Variants in RAVER1 observed in about 807,000 individuals in gnomAD.
The protein encoded by RAVER1 is ribonucleoprotein PTB-binding 1.
RAVER1 carries 36 observed loss-of-function variants against 68.4 expected under a neutral mutation model. That is an observed-to-expected ratio of 0.53 (90% confidence interval 0.40 to 0.70). The LOEUF is 0.70. Ranked by LOEUF, RAVER1 falls within the 30% of genes least tolerant of loss-of-function variation. The pLI, the probability that RAVER1 is intolerant of heterozygous loss-of-function variation, is 0.00. For missense variants in RAVER1, 933 were observed against 1,019.8 expected (o/e 0.91, Z 1.16); for synonymous variants, 469 against 472.7 (o/e 0.99, Z 0.10).
chr19:10,326,580 G>C (rs1002820420), intron 3 of RAVER1, among the ~76,000 whole-genome samples: 16 of 152,042 alleles, frequency 1.1e-4, no homozygotes, highest in Non-Finnish European at 1.3e-4. Flanking sequence ...GAGTAGCTGA[G>C]ATTACAGGCG....
chr19:10,326,754 T>G (rs2040477375), intron 3 of RAVER1, among the ~76,000 whole-genome samples: 2 of 125,072 alleles, frequency 1.6e-5, no homozygotes, highest in Non-Finnish European at 3.4e-5. Flanking sequence ...GCGCCTGGCC[T>G]GTTTTTTTTT....
Position 10,323,001 on chromosome 19 carries a change from C to T in RAVER1, c.1078+144G>A, listed in dbSNP as rs1488853499. On this transcript the variant is annotated intron_variant, in intron 5 of 12. Coordinates refer to ENST00000617231, the MANE Select transcript of RAVER1 (RefSeq NM_133452.3). This position sits in a 1 kb window ranked among gnomAD's most constrained non-coding sequence, Gnocchi z 6.2. ...GCCCCCAGTTGTGGACAGCAGCAGCCCCCGCTATGACTCCATACTCCCCCT... is the reference window on the plus strand; with the variant it reads ...GCCCCCAGTTGTGGACAGCAGCAGCTCCCGCTATGACTCCATACTCCCCCT... The T allele has an allele frequency of 1.4e-6, 1 of 722,778 alleles. No individual in the cohort carries two copies. The highest frequency in any genetic ancestry group is 2.2e-6 in the Non-Finnish European group (1 of 452,936). 44.8% of individuals were successfully genotyped at this position (722,778 alleles called of 1,614,324 possible). A position where few individuals can be genotyped will look rare whatever the true frequency, so the allele number is the denominator to read the frequency against.
chr19:10,321,248 G>A lies in RAVER1; in HGVS notation c.1273C>T (p.Pro425Ser), dbSNP rs574742453. The A allele has an allele frequency of 1.1e-5, 14 of 1,277,176 alleles. No homozygotes were observed. Among genetic ancestry groups the A allele is most frequent in the Middle Eastern group, 3.0e-4 (1 of 3,342 alleles). The allele number at this position is 1,277,176 out of a possible 1,614,324, so 79.1% of individuals were successfully genotyped here. Residue 425 changes from proline (P) to serine (S), a missense_variant, in exon 8 of 13, where the codon CCC becomes TCC. Physicochemically the swap from Pro to Ser is moderately conservative, Grantham distance 74. Transcript: ENST00000617231. ...CCTCGCCGGGGCGGCAGCTCCGGGG[G>A]CAGGCCCCCTCCTAGGGAGGGAAGG... is the stretch of plus-strand genomic sequence containing the variant. ...LGELPAGGGL[P>S]PELPPRRGKP...
chr19:10,327,906 G>C (rs960488747), intron 3 of RAVER1, among the ~76,000 whole-genome samples: 1 of 152,200 alleles, frequency 6.6e-6, no homozygotes, highest in African/African-American at 2.4e-5. Flanking sequence ...CACACACACA[G>C]AAGTGCCTGG....
chr19:10,320,568 A>G, intron 9 of RAVER1, 87 bp downstream of exon 9: 4 of 1,256,078 alleles, frequency 3.2e-6, no homozygotes, highest in South Asian at 1.5e-5. Flanking sequence ...TCCCTAGCAC[A>G]TGGCCTGGCA....
At position 10,319,699 on chromosome 19, in the gene RAVER1, C is replaced by T. The variant is rs186070352; in HGVS notation, c.1771-459G>A. On this transcript the variant is annotated intron_variant, in intron 9 of 12. Coordinates refer to ENST00000617231, the MANE Select transcript of RAVER1 (RefSeq NM_133452.3). ...CCAGGTTCAAGTGATTCTCCTGCCT[C>T]AGCCTCCCTAGTAACTGGGATTACA... 1.7e-3 allele frequency among the ~76,000 whole-genome samples: 252 copies of T among 151,694 alleles called. 2 individuals carry two copies. The highest frequency in any genetic ancestry group is 5.9e-3 in the African/African-American group (244 of 41,462).
Position 10,317,372 on chromosome 19 carries a change from T to G in RAVER1, c.*82A>C. On this transcript the variant is annotated 3_prime_UTR_variant, in exon 13 of 13. Transcript: ENST00000617231. The surrounding 1 kb of genome is among the most constrained non-coding windows in gnomAD (Gnocchi z 4.3). Reference sequence around the variant, plus strand: ...CTATTACCGAAAGAGAGAAAATGGTTTAAAAAAAACACAAAACAAAACATC... The same window carrying G: ...CTATTACCGAAAGAGAGAAAATGGTGTAAAAAAAACACAAAACAAAACATC... 1 of 1,456,782 alleles carries G rather than the reference T, an allele frequency of 6.9e-7. No individual in the cohort carries two copies. Among genetic ancestry groups the G allele is most frequent in the Non-Finnish European group, 9.6e-7 (1 of 1,044,766 alleles). The allele number at this position is 1,456,782 out of a possible 1,614,324, so 90.2% of individuals were successfully genotyped here. A position where few individuals can be genotyped will look rare whatever the true frequency, so the allele number is the denominator to read the frequency against.
chr19:10,323,324 C>A lies in RAVER1; in HGVS notation c.949-50G>T, dbSNP rs779029644. ...CAGAGTGCCGCTGGGGCCCTGACAT[C>A]CCCATGGGGCTCCCATCCCCACCCC... On this transcript the variant is annotated intron_variant, in intron 4 of 12. Coordinates refer to ENST00000617231, the MANE Select transcript of RAVER1 (RefSeq NM_133452.3). The surrounding 1 kb of genome is among the most constrained non-coding windows in gnomAD (Gnocchi z 6.2). 6.2e-7 allele frequency: 1 copy of A among 1,610,700 alleles called. No individual in the cohort carries two copies. Among genetic ancestry groups the A allele is most frequent in the Non-Finnish European group, 8.5e-7 (1 of 1,178,516 alleles).
rs2040499118 is a variant in RAVER1 at position 10,329,547 on chromosome 19, G to T, written c.287-436C>A. On this transcript the variant is annotated intron_variant, in intron 2 of 12. Coordinates refer to ENST00000617231, the MANE Select transcript of RAVER1 (RefSeq NM_133452.3). This position sits in a 1 kb window ranked among gnomAD's most constrained non-coding sequence, Gnocchi z 4.6. ...TCACCATTTTGCCAGAGAGGAAACG[G>T]GCCCAGAGCAGCACCCCTGTGCCCC... Among the ~76,000 whole-genome samples, 1 of 152,058 alleles carries T rather than the reference G, an allele frequency of 6.6e-6. No homozygotes were observed. The highest frequency in any genetic ancestry group is 1.5e-5 in the Non-Finnish European group (1 of 67,970).
Position 10,323,703 on chromosome 19 carries a change from T to C in RAVER1, c.757-137A>G. ...CAGGCCTCCACTGCCCTGTGCCTCATTCCTGCATCAGCTCATCTGATTTTC... is the reference window on the plus strand; with the variant it reads ...CAGGCCTCCACTGCCCTGTGCCTCACTCCTGCATCAGCTCATCTGATTTTC... On this transcript the variant is annotated intron_variant, in intron 3 of 12. Coordinates refer to ENST00000617231, the MANE Select transcript of RAVER1 (RefSeq NM_133452.3). This position sits in a 1 kb window ranked among gnomAD's most constrained non-coding sequence, Gnocchi z 6.2. The C allele has an allele frequency of 1.2e-6, 1 of 843,270 alleles. No homozygotes were observed. Among genetic ancestry groups the C allele is most frequent in the Non-Finnish European group, 1.8e-6 (1 of 559,502 alleles). 52.2% of individuals were successfully genotyped at this position (843,270 alleles called of 1,614,324 possible). A position where few individuals can be genotyped will look rare whatever the true frequency, so the allele number is the denominator to read the frequency against.
At position 10,333,513 on chromosome 19, in the gene RAVER1, GA is replaced by G; in HGVS notation, c.-7del. On this transcript the variant is annotated 5_prime_UTR_variant, in exon 1 of 13. Transcript: ENST00000617231. The surrounding 1 kb of genome is among the most constrained non-coding windows in gnomAD (Gnocchi z 4.2). ...ACGGACACGTCCGCCGCCATCTTGGGAAACCCGGCGCCTTCTGGGACCAGCG... is the reference window on the plus strand; with the variant it reads ...ACGGACACGTCCGCCGCCATCTTGGGAACCCGGCGCCTTCTGGGACCAGCG... 1 of 1,595,070 alleles carries G rather than the reference GA, an allele frequency of 6.3e-7. No individual in the cohort carries two copies. The highest frequency in any genetic ancestry group is 1.1e-5 in the South Asian group (1 of 90,764).
rs901056750 is a variant in RAVER1, at chr19:10,323,016, A to G, written c.1078+129T>C. On this transcript the variant is annotated intron_variant, in intron 5 of 12. Coordinates refer to ENST00000617231, the MANE Select transcript of RAVER1 (RefSeq NM_133452.3). The surrounding 1 kb of genome is among the most constrained non-coding windows in gnomAD (Gnocchi z 6.2). ...CAGCAGCAGCCCCCGCTATGACTCC[A>G]TACTCCCCCTCGGCCCTACTCCTGG... The G allele has an allele frequency of 1.2e-5, 10 of 800,542 alleles. No individual in the cohort carries two copies. The highest frequency in any genetic ancestry group is 2.8e-5 in the East Asian group (1 of 35,962). 49.6% of individuals were successfully genotyped at this position (800,542 alleles called of 1,614,324 possible).
At chr19:10,321,687 A>G in intron 6 of RAVER1, 69 bp from the exon 7 acceptor site, 1 of 1,280,890 alleles carries the variant, frequency 7.8e-7, no homozygotes, top group Non-Finnish European at 1.0e-6. Flanking sequence ...GGTGTGGCCC[A>G]GAGTCTTGGC....
intron 9 of RAVER1, among the ~76,000 whole-genome samples, 196 bp downstream of exon 9, chr19:10,320,459 G>A (rs564736042): frequency 7.6e-5 from 11 of 145,182 alleles, no homozygotes; most frequent in Non-Finnish European, 1.3e-4. Flanking sequence ...AGCTATGATC[G>A]CACCACTGCA....
In RAVER1 at chr19:10,329,473, G is replaced by A. The variant is rs1202912828; in HGVS notation, c.287-362C>T. 6.6e-6 allele frequency among the ~76,000 whole-genome samples: 1 copy of A among 152,188 alleles called. No homozygotes were observed. Among genetic ancestry groups the A allele is most frequent in the African/African-American group, 2.4e-5 (1 of 41,432 alleles). ...AGCCCCAAGCCCCAGGTGGCTTTGG[G>A]GGTATCAGTTTCCTCATCTCTCAAA... On this transcript the variant is annotated intron_variant, in intron 2 of 12. Coordinates refer to ENST00000617231, the MANE Select transcript of RAVER1 (RefSeq NM_133452.3). The surrounding 1 kb of genome is among the most constrained non-coding windows in gnomAD (Gnocchi z 4.6).
intron 9 of RAVER1, among the ~76,000 whole-genome samples, chr19:10,320,295 G>A (rs1335761562): frequency 6.6e-6 from 1 of 151,912 alleles, no homozygotes; most frequent in African/African-American, 2.4e-5. Context: ...CTTGAGGTCA[G>A]GAGTTTGAGA....
chr19:10,333,398 G>A lies in RAVER1; in HGVS notation c.110C>T (p.Pro37Leu), dbSNP rs34642407. The A allele has an allele frequency of 2.4e-3, 3,931 of 1,613,788 alleles. 9 individuals carry two copies. Among genetic ancestry groups the A allele is most frequent in the Middle Eastern group, 5.3e-3 (32 of 6,060 alleles). Residue 37 changes from proline to leucine, a missense_variant, in exon 1 of 13, where the codon CCG becomes CTG. By Grantham distance (98) the Pro-to-Leu change is moderately conservative (BLOSUM62 -3). Transcript: ENST00000617231. This position sits in a 1 kb window ranked among gnomAD's most constrained non-coding sequence, Gnocchi z 4.2. The stretch of plus-strand genomic sequence containing the variant: ...CCGGATCTCTTCTGGATCTAGAGGC[G>A]GCAGCTCTTCTTCCGGCGCCCGGCG... ...AERRAPEEEL[P>L]PLDPEEIRKR...
Position 10,321,043 on chromosome 19 carries a change from C to CGAGA in RAVER1, c.1473+4_1473+5insTCTC. The CGAGA allele has an allele frequency of 1.4e-6, 2 of 1,411,216 alleles. No homozygotes were observed. The highest frequency in any genetic ancestry group is 3.2e-5 in the Admixed American group (1 of 31,030). 87.4% of individuals were successfully genotyped at this position (1,411,216 alleles called of 1,614,324 possible). A position where few individuals can be genotyped will look rare whatever the true frequency, so the allele number is the denominator to read the frequency against. ...TGTGGTGCCGCGCGCAGGGCAGGGCCTTACCCCAGGGGGCGTCGGCAGAGG... is the reference window on the plus strand; with the variant it reads ...TGTGGTGCCGCGCGCAGGGCAGGGCCGAGATTACCCCAGGGGGCGTCGGCAGAGG... On this transcript the variant is annotated splice_donor_region_variant and intron_variant, in intron 8 of 12. Transcript: ENST00000617231.
At chr19:10,327,646 C>A (rs2040484533) in intron 3 of RAVER1, among the ~76,000 whole-genome samples, 1 of 152,186 alleles carries the variant, frequency 6.6e-6, no homozygotes, top group South Asian at 2.1e-4. Flanking sequence ...CTCTGCCAGA[C>A]CCTGGCTGTT....
Sources: allele counts gnomAD v4.1 joint callset (sites outside exome capture counted in the v4.1 genomes callset), GRCh38; gene constraint gnomAD v4.1.1; non-coding constraint Gnocchi (gnomAD v3.1); transcripts MANE v1.5; gene names NCBI Gene and HGNC (gene_info 2026-07-23, HGNC 2026-07-21).